DIAPH3: variants seen among roughly 807,000 people sequenced by gnomAD.
DIAPH3 encodes the protein diaphanous related formin 3.
In DIAPH3, 117 loss-of-function variants were observed where a neutral mutation model predicts 144.3. The ratio of observed to expected loss-of-function variants is 0.81; its 90% CI spans 0.70 to 0.95. DIAPH3 has a LOEUF of 0.95. Among genes scored for constraint, DIAPH3 ranks in the 40% least tolerant of loss-of-function variants. DIAPH3 has a pLI of 0.00. For missense variants in DIAPH3, 1,421 were observed against 1,412.7 expected, an observed-to-expected ratio of 1.01 and a Z score of -0.09; for synonymous variants, 519 against 488.9, an observed-to-expected ratio of 1.06 and a Z score of -0.81.
intron 1 of DIAPH3, among the ~76,000 whole-genome samples, chr13:60,138,316 G>A (rs755615838): frequency 2.6e-5 from 4 of 152,142 alleles, no homozygotes; most frequent in Admixed American, 6.5e-5. Context: ...CCAGGACCAC[G>A]TGAGAAACCC....
At chr13:59,943,673 T>C (rs2048656511) in intron 17 of DIAPH3, among the ~76,000 whole-genome samples, 1 of 152,140 alleles carries the variant, frequency 6.6e-6, no homozygotes, top group South Asian at 2.1e-4. Flanking sequence ...TGAAGATCTA[T>C]TGGAACAATA....
chr13:60,145,773 C>T (rs1369030642), intron 1 of DIAPH3, among the ~76,000 whole-genome samples: 1 of 151,724 alleles, frequency 6.6e-6, no homozygotes, highest in Admixed American at 6.6e-5. Context: ...AAGTTGCTCT[C>T]AAATGTGTAA....
At chr13:59,727,845 T>C (rs140034819) in intron 27 of DIAPH3, among the ~76,000 whole-genome samples, 2 of 152,278 alleles carry the variant, frequency 1.3e-5, no homozygotes, top group Non-Finnish European at 2.9e-5. Context: ...CATGCAGCCC[T>C]AATACCCGTA....
chr13:60,076,806 A>G (rs1288949503), intron 4 of DIAPH3, among the ~76,000 whole-genome samples: 1 of 152,140 alleles, frequency 6.6e-6, no homozygotes, highest in African/African-American at 2.4e-5. Context: ...ATCTTAAATA[A>G]GCATTATACA....
intron 5 of DIAPH3, among the ~76,000 whole-genome samples, chr13:60,027,511 G>A (rs1005870570): frequency 6.6e-6 from 1 of 152,060 alleles, no homozygotes; most frequent in Admixed American, 6.6e-5. Flanking sequence ...AATATCTAGA[G>A]AAAGCATTCC....
At chr13:59,758,110 CTTTTGGAAGTATAAACTGGTACAACTA>C (rs1445143283) in intron 27 of DIAPH3, among the ~76,000 whole-genome samples, 1 of 152,164 alleles carries the variant, frequency 6.6e-6, no homozygotes, top group Non-Finnish European at 1.5e-5. Context: ...TAATACCTGG[CTTTTGGAAGTATAAACTGGTACAACTA>C]TTTTGGAAAA....
rs946783666 is a variant in DIAPH3, at chr13:59,954,614, A to G, written c.2074+15330T>C. On this transcript the variant is annotated intron_variant, in intron 17 of 27. Transcript: ENST00000400324. ...TAGGTGTGTATTAGTCCATTCTCAC[A>G]CTGCTATAAAGAACTACCTGAGACT... is the stretch of plus-strand genomic sequence containing the variant. Among the ~76,000 whole-genome samples, 4 of 152,212 alleles carry G rather than the reference A, an allele frequency of 2.6e-5. No individual in the cohort carries two copies. The East Asian group carries it at 7.7e-4, about 29-fold the overall frequency.
chr13:59,937,005 T>C (rs1005697041), intron 17 of DIAPH3, among the ~76,000 whole-genome samples: 2 of 151,874 alleles, frequency 1.3e-5, no homozygotes, highest in Admixed American at 6.6e-5. Flanking sequence ...CTACTAAAAA[T>C]ACAAAAAATT....
intron 22 of DIAPH3, among the ~76,000 whole-genome samples, chr13:59,852,502 A>G (rs1038717865): frequency 1.3e-5 from 2 of 152,244 alleles, no homozygotes; most frequent in Non-Finnish European, 2.9e-5. Context: ...TCCGTTTTCA[A>G]AAGAAATCTT....
rs748104930 is a variant in DIAPH3, at chr13:59,980,851, T to C, written c.1489A>G (p.Ile497Val). 1.2e-6 allele frequency: 2 copies of C among 1,608,956 alleles called. No homozygotes were observed. Among genetic ancestry groups the C allele is most frequent in the Admixed American group, 1.7e-5 (1 of 59,668 alleles). Residue 497 changes from isoleucine (I) to valine (V), a missense_variant, in exon 14 of 28, where the codon ATA (isoleucine) becomes GTA (valine). Coordinates refer to ENST00000400324, the MANE Select transcript of DIAPH3 (RefSeq NM_001042517.2). ...LDLTQFVDIC[I>V]DQAKLEEFEE... Reference sequence around the variant, plus strand: ...AACTCTTCTAGTTTTGCTTGATCTATGCAAATGTCTAAAATTGCAATGACA... The same window carrying C: ...AACTCTTCTAGTTTTGCTTGATCTACGCAAATGTCTAAAATTGCAATGACA...
chr13:59,799,311 A>AAGAGATCATG (rs1160548412), intron 25 of DIAPH3, among the ~76,000 whole-genome samples: 1 of 151,440 alleles, frequency 6.6e-6, no homozygotes, highest in African/African-American at 2.4e-5. Context: ...GGGAGATAAG[A>AAGAGATCATG]AGAGATCATG....
chr13:59,843,151 C>G (rs2042437220), intron 22 of DIAPH3, among the ~76,000 whole-genome samples: 1 of 152,174 alleles, frequency 6.6e-6, no homozygotes, highest in South Asian at 2.1e-4. Context: ...ATGTGTCACT[C>G]AGGAAATTCC....
chr13:59,699,910 G>A (rs2034006212), intron 27 of DIAPH3, among the ~76,000 whole-genome samples: 3 of 152,304 alleles, frequency 2.0e-5, no homozygotes, highest in African/African-American at 7.2e-5. Context: ...ACTTCCCTGA[G>A]GGAGAGAGCT....
chr13:60,036,564 AAG>A (rs1191392872), intron 5 of DIAPH3, among the ~76,000 whole-genome samples: 4 of 152,148 alleles, frequency 2.6e-5, no homozygotes. Context: ...AAAGGAAGAA[AAG>A]AGAGAAAGAA....
intron 4 of DIAPH3, among the ~76,000 whole-genome samples, chr13:60,063,514 G>A (rs1594555219): frequency 6.6e-6 from 1 of 152,206 alleles, no homozygotes; most frequent in Non-Finnish European, 1.5e-5. Flanking sequence ...CATGAGAGGA[G>A]TCACTATCTA....
chr13:59,985,732 A>T (rs976873984), intron 12 of DIAPH3, among the ~76,000 whole-genome samples: 1 of 93,680 alleles, frequency 1.1e-5, no homozygotes, highest in Non-Finnish European at 2.2e-5. Context: ...AATTGCTTCA[A>T]AAAGAATAAA....
chr13:59,709,401 A>G (rs1206902014), intron 27 of DIAPH3, among the ~76,000 whole-genome samples: 2 of 152,328 alleles, frequency 1.3e-5, no homozygotes, highest in Non-Finnish European at 2.9e-5. Flanking sequence ...TTTACAAGAA[A>G]AAAACAAACA....
intron 9 of DIAPH3, among the ~76,000 whole-genome samples, chr13:60,000,421 GA>G (rs933754739): frequency 2.2e-4 from 32 of 143,836 alleles, no homozygotes; most frequent in South Asian, 4.4e-4. Flanking sequence ...ACCACAATAG[GA>G]AAAAAAAAAA....
intron 22 of DIAPH3, among the ~76,000 whole-genome samples, chr13:59,855,571 T>TAAGTAAGTAAGTA (rs2043209691): frequency 6.6e-6 from 1 of 152,042 alleles, no homozygotes; most frequent in Admixed American, 6.6e-5. Flanking sequence ...CTAAGTATAC[T>TAAGTAAGTAAGTA]TACTAGATGA....
Sources: gnomAD v4.1 joint callset for allele counts (sites outside exome capture counted in the v4.1 genomes callset) on GRCh38, gnomAD v4.1.1 for gene constraint, MANE v1.5 for transcripts, NCBI Gene and HGNC (gene_info 2026-07-23, HGNC 2026-07-21) for gene names.